DLGAP2: variants seen among roughly 807,000 people sequenced by gnomAD.
DLGAP2 encodes disks large-associated protein 2.
Under a neutral mutation model 100.3 loss-of-function variants are expected in DLGAP2, and 26 were observed. The ratio of observed to expected loss-of-function variants is 0.26; its 90% CI spans 0.19 to 0.36. The LOEUF (loss-of-function observed/expected upper bound fraction) is 0.36, where lower values mean the gene tolerates loss of function less well. Among genes scored for constraint, DLGAP2 ranks in the 10% least tolerant of loss-of-function variants. DLGAP2 has a pLI of 1.00. For synonymous variants in DLGAP2, 886 were observed against 630.1 expected (o/e 1.41, Z -6.08); for missense variants, 1,858 against 1,453.2 (o/e 1.28, Z -4.53).
intron 2 of DLGAP2, among the ~76,000 whole-genome samples, chr8:1,052,048 C>T (rs574386544): frequency 3.9e-5 from 6 of 152,192 alleles, no homozygotes; most frequent in African/African-American, 1.2e-4. Context: ...AGGCTCAACA[C>T]GCCTGCCGCC....
intron 3 of DLGAP2, among the ~76,000 whole-genome samples, chr8:1,483,182 G>A (rs1376587825): frequency 6.6e-6 from 1 of 152,200 alleles, no homozygotes; most frequent in Non-Finnish European, 1.5e-5. Context: ...ATCTGTGGCT[G>A]ATGAGAGGCC....
intron 1 of DLGAP2, chr8:883,426 A>G (rs1408318015): frequency 2.0e-5 from 3 of 152,176 alleles, no homozygotes; most frequent in African/African-American, 4.8e-5. Flanking sequence ...ATAGAAATTT[A>G]GAATAATGAT....
intron 2 of DLGAP2, among the ~76,000 whole-genome samples, chr8:1,056,705 G>T (rs1802892646): frequency 6.6e-6 from 1 of 152,240 alleles, no homozygotes; most frequent in Non-Finnish European, 1.5e-5. Context: ...GTCAGACTGA[G>T]CTGGATTTGA....
chr8:1,564,576 C>G (rs530942160), intron 5 of DLGAP2, among the ~76,000 whole-genome samples: 1 of 152,206 alleles, frequency 6.6e-6, no homozygotes, highest in Admixed American at 6.5e-5. Flanking sequence ...AGTTCTGTGC[C>G]TGGCAGATAT....
intron 2 of DLGAP2, among the ~76,000 whole-genome samples, chr8:982,241 G>C (rs1249950474): frequency 6.6e-6 from 1 of 152,218 alleles, no homozygotes; most frequent in Non-Finnish European, 1.5e-5. Context: ...ACGGGTGACC[G>C]TGCAAGACCC....
intron 5 of DLGAP2, among the ~76,000 whole-genome samples, chr8:1,553,548 G>A (rs560336085): frequency 3.7e-4 from 57 of 152,338 alleles, no homozygotes; most frequent in Non-Finnish European, 5.9e-5. Context: ...ACATGTTCAC[G>A]TGTTGGAAGC....
chr8:1,605,698 C>T (rs1333175470), intron 6 of DLGAP2, among the ~76,000 whole-genome samples: 1 of 152,156 alleles, frequency 6.6e-6, no homozygotes, highest in Non-Finnish European at 1.5e-5. Context: ...GAGAATGCAG[C>T]GTTTGCTAAC....
chr8:1,312,966 G>T (rs1248847896), intron 3 of DLGAP2, among the ~76,000 whole-genome samples: 6 of 152,226 alleles, frequency 3.9e-5, no homozygotes, highest in Non-Finnish European at 4.4e-5. Context: ...CAAAGATAGT[G>T]TGTCTCATTT....
chr8:767,399 G>A (rs1821243238), intron 1 of DLGAP2, among the ~76,000 whole-genome samples: 1 of 134,832 alleles, frequency 7.4e-6, no homozygotes, highest in Admixed American at 8.6e-5. Flanking sequence ...CGCCCATTCT[G>A]GAGTGCAATG....
chr8:1,153,339 A>G (rs987435331), intron 2 of DLGAP2, among the ~76,000 whole-genome samples: 8 of 152,220 alleles, frequency 5.3e-5, no homozygotes, highest in Admixed American at 2.6e-4. Flanking sequence ...GCCTACCTCA[A>G]GAGCTATAAA....
At chr8:855,706 A>G (rs1797264267) in intron 1 of DLGAP2, among the ~76,000 whole-genome samples, 1 of 152,200 alleles carries the variant, frequency 6.6e-6, no homozygotes, top group Admixed American at 6.5e-5. Flanking sequence ...GCCCTACAAA[A>G]CAGGTTGAAG....
intron 2 of DLGAP2, among the ~76,000 whole-genome samples, chr8:1,080,457 T>G (rs1220253529): frequency 6.6e-6 from 1 of 152,208 alleles, no homozygotes; most frequent in Non-Finnish European, 1.5e-5. Context: ...CTCACACGTC[T>G]GAAGTGGGGC....
rs77079922 is a variant in DLGAP2, at chr8:1,586,265, A to T, written c.1442+20371A>T. 2.1e-4 allele frequency among the ~76,000 whole-genome samples: 32 copies of T among 152,242 alleles called. No individual in the cohort carries two copies. In the East Asian group the frequency reaches 5.6e-3, roughly 27 times the overall value. ...GGGAGTGGTTTTCTTTCACATCAAGATGTTACAGTTGCGGGACCGAAGCCC... is the reference window on the plus strand; with the variant it reads ...GGGAGTGGTTTTCTTTCACATCAAGTTGTTACAGTTGCGGGACCGAAGCCC... On this transcript the variant is annotated intron_variant, in intron 6 of 14. Transcript: ENST00000637795.
chr8:1,423,160 G>T (rs888722274), intron 3 of DLGAP2, among the ~76,000 whole-genome samples: 2 of 152,200 alleles, frequency 1.3e-5, no homozygotes, highest in Admixed American at 1.3e-4. Context: ...CTAAAGCCTA[G>T]GTGGCAAGTT....
At chr8:1,481,069 G>A (rs1799078822) in intron 3 of DLGAP2, among the ~76,000 whole-genome samples, 1 of 152,106 alleles carries the variant, frequency 6.6e-6, no homozygotes, top group African/African-American at 2.4e-5. Flanking sequence ...CTACTTGGGA[G>A]GCTGAGGCAG....
intron 1 of DLGAP2, among the ~76,000 whole-genome samples, chr8:749,696 A>C (rs998655510): frequency 6.6e-6 from 1 of 152,110 alleles, no homozygotes; most frequent in Non-Finnish European, 1.5e-5. Context: ...AATTCCTAGG[A>C]ACAGAATTAT....
At chr8:814,422 G>T (rs980662569) in intron 1 of DLGAP2, among the ~76,000 whole-genome samples, 6 of 152,114 alleles carry the variant, frequency 3.9e-5, no homozygotes, top group African/African-American at 4.8e-5. Context: ...ATTTTCATGT[G>T]CCCATTAGGA....
chr8:1,170,309 A>G (rs891366663), intron 2 of DLGAP2, among the ~76,000 whole-genome samples: 2 of 151,812 alleles, frequency 1.3e-5, no homozygotes, highest in African/African-American at 2.4e-5. Context: ...GGATTTTTGC[A>G]TCAATGTTCA....
At chr8:1,495,690 G>GAGGC (rs1799523636) in intron 3 of DLGAP2, among the ~76,000 whole-genome samples, 1 of 151,992 alleles carries the variant, frequency 6.6e-6, no homozygotes, top group Non-Finnish European at 1.5e-5. Context: ...CTCGCAGGAT[G>GAGGC]CAGATTGCAG....
Sources: gnomAD v4.1 joint callset for allele counts (sites outside exome capture counted in the v4.1 genomes callset) on GRCh38, gnomAD v4.1.1 for gene constraint, MANE v1.5 for transcripts, NCBI Gene and HGNC (gene_info 2026-07-23, HGNC 2026-07-21) for gene names.